ZFYVE16: variants seen among roughly 807,000 people sequenced by gnomAD.
ZFYVE16 encodes the protein zinc finger FYVE domain-containing protein 16.
Under a neutral mutation model 138.1 loss-of-function variants are expected in ZFYVE16, and 89 were observed. The observed-to-expected ratio is 0.64, with a 90% CI of 0.54 to 0.77. The LOEUF is 0.77. Ranked by LOEUF, ZFYVE16 falls within the 30% of genes least tolerant of loss-of-function variation. The pLI is 0.00. For missense variants in ZFYVE16, 1,793 were observed against 1,786.7 expected, an observed-to-expected ratio of 1.00 and a Z score of -0.06; for synonymous variants, 596 against 618.3, an observed-to-expected ratio of 0.96 and a Z score of 0.53.
At chr5:80,445,870 G>A (rs1020323955) in intron 7 of ZFYVE16, among the ~76,000 whole-genome samples, 1 of 146,612 alleles carries the variant, frequency 6.8e-6, no homozygotes, top group Non-Finnish European at 1.5e-5. Flanking sequence ...TGAGATTACT[G>A]GTATAAATCA....
intron 2 of ZFYVE16, among the ~76,000 whole-genome samples, chr5:80,432,353 A>G: frequency 6.6e-6 from 1 of 152,240 alleles, no homozygotes; most frequent in Non-Finnish European, 1.5e-5. Flanking sequence ...CCTATTTAAC[A>G]AATGGTGCTG....
rs1476620624 is a variant in ZFYVE16, at chr5:80,439,820, T to G, written c.2323-116T>G. ...ATGATTATGGTGATTAGGAAATGAT[T>G]TATACAATAAGGAAAAAGAATTTTG... On this transcript the variant is annotated intron_variant, in intron 4 of 18. Coordinates refer to ENST00000505560, the MANE Select transcript of ZFYVE16 (RefSeq NM_001284236.3). 4.9e-6 allele frequency: 3 copies of G among 612,930 alleles called. No homozygotes were observed. The African/African-American group carries it at 5.6e-5, about 12-fold the overall frequency. 38.0% of individuals were successfully genotyped at this position (612,930 alleles called of 1,614,324 possible). A position where few individuals can be genotyped will look rare whatever the true frequency, so the allele number is the denominator to read the frequency against.
Position 80,451,613 on chromosome 5 carries a change from C to G in ZFYVE16, c.3511C>G (p.Pro1171Ala). 5.6e-6 allele frequency: 9 copies of G among 1,613,858 alleles called. No homozygotes were observed. Among genetic ancestry groups the G allele is most frequent in the Non-Finnish European group, 7.6e-6 (9 of 1,179,908 alleles). Residue 1171 changes from proline (P) to alanine (A), a missense_variant, in exon 11 of 19, where the codon CCT becomes GCT. Transcript: ENST00000505560. ...TGATGATCTCTCATTACCAAGTAAT[C>G]CTTTTCTTTGTGGAATTCTTATCCA... is the stretch of plus-strand genomic sequence containing the variant. ...KLDDLSLPSN[P>A]FLCGILIQKL...
rs750109541 is a variant in ZFYVE16 at position 80,437,935 on chromosome 5, T to A, written c.1250T>A (p.Ile417Lys). ...GATGCAGTGACTATACATGAAGAAA[T>A]ACAGAACAGTGTTGTTCTAGGTGGG... ...IQDAVTIHEE[I>K]QNSVVLGGEP... Residue 417 changes from isoleucine to lysine, a missense_variant, in exon 4 of 19, where the codon ATA (isoleucine) becomes AAA (lysine). Ile to Lys is a moderately radical substitution (Grantham distance 102). This residue lies in a region of ZFYVE16 where 1,295 missense variants were observed against 1,204.3 expected (regional missense o/e 1.08). Transcript: ENST00000505560. 28 of 1,613,962 alleles carry A rather than the reference T, an allele frequency of 1.7e-5. No homozygotes were observed. The highest frequency in any genetic ancestry group is 2.2e-5 in the Non-Finnish European group (26 of 1,179,896).
rs1755236892 is a variant in ZFYVE16, at chr5:80,480,756, G to A, written c.*3379G>A. 1.3e-5 allele frequency among the ~76,000 whole-genome samples: 2 copies of A among 151,956 alleles called. No individual in the cohort carries two copies. Among genetic ancestry groups the A allele is most frequent in the African/African-American group, 4.8e-5 (2 of 41,358 alleles). ...AGCAACACAGGGAGACACTGTCTCT[G>A]CAAAATTAAAAAAATTTTGCCAGGT... On this transcript the variant is annotated 3_prime_UTR_variant, in exon 19 of 19. Coordinates refer to ENST00000505560, the MANE Select transcript of ZFYVE16 (RefSeq NM_001284236.3).
At chr5:80,463,766 A>C (rs1753389462) in intron 15 of ZFYVE16, among the ~76,000 whole-genome samples, 2 of 152,288 alleles carry the variant, frequency 1.3e-5, no homozygotes, top group Admixed American at 1.3e-4. Flanking sequence ...TGCTTTTTAG[A>C]GCCCCCAAAT....
At chr5:80,472,179 C>A (rs373514744) in intron 15 of ZFYVE16, among the ~76,000 whole-genome samples, 6 of 152,060 alleles carry the variant, frequency 3.9e-5, no homozygotes, top group African/African-American at 1.4e-4. Flanking sequence ...TAGTGCCCCC[C>A]TCTTAAGTGT....
intron 1 of ZFYVE16, among the ~76,000 whole-genome samples, chr5:80,427,049 T>C (rs1010838020): frequency 6.6e-5 from 10 of 152,016 alleles, no homozygotes; most frequent in African/African-American, 2.4e-4. Context: ...ATGTCTTTTT[T>C]TTTTTTTCCT....
In ZFYVE16 at chr5:80,478,943, A is replaced by G. The variant is rs1755144173; in HGVS notation, c.*1566A>G. On this transcript the variant is annotated 3_prime_UTR_variant, in exon 19 of 19. Transcript: ENST00000505560. ...ATTGAAATGGTGTAAGATGAAAACA[A>G]TTGCATATCAAACCCAATTTATGTT... 3 of 152,150 alleles carry G rather than the reference A, an allele frequency of 2.0e-5. No homozygotes were observed. The highest frequency in any genetic ancestry group is 2.0e-4 in the Admixed American group (3 of 15,276). The allele number at this position is 152,150 out of a possible 1,614,324, so 9.4% of individuals were successfully genotyped here.
chr5:80,442,097 T>C lies in ZFYVE16; in HGVS notation c.2420-1026T>C, dbSNP rs1231782408. 1.1e-5 allele frequency: 3 copies of C among 266,294 alleles called. No homozygotes were observed. The Admixed American group carries it at 1.9e-4, about 17-fold the overall frequency. 16.5% of individuals were successfully genotyped at this position (266,294 alleles called of 1,614,324 possible). A position where few individuals can be genotyped will look rare whatever the true frequency, so the allele number is the denominator to read the frequency against. ...GAGTGATAGATAGTTAACAGATTAG[T>C]GGCAAAAGGAAATTTTTTCTTTTTG... is the stretch of plus-strand genomic sequence containing the variant. On this transcript the variant is annotated intron_variant, in intron 5 of 18. Coordinates refer to ENST00000505560, the MANE Select transcript of ZFYVE16 (RefSeq NM_001284236.3).
At position 80,449,700 on chromosome 5, in the gene ZFYVE16, C is replaced by A; in HGVS notation, c.3213C>A (p.Val1071=). ...TAAATGCTAATCTACTCGTGAATGT[C>A]AAATTCATATTTTGTAAGTAATAAT... is the stretch of plus-strand genomic sequence containing the variant. ...FVLNANLLVN[V]KFIFYSSDKY... Residue 1071 remains valine, a synonymous_variant, in exon 9 of 19, where the codon GTC becomes GTA. Coordinates refer to ENST00000505560, the MANE Select transcript of ZFYVE16 (RefSeq NM_001284236.3). 2 of 1,594,106 alleles carry A rather than the reference C, an allele frequency of 1.3e-6. No individual in the cohort carries two copies. The highest frequency in any genetic ancestry group is 1.2e-5 in the South Asian group (1 of 86,932).
At chr5:80,463,050 T>A (rs1375381434) in intron 15 of ZFYVE16, among the ~76,000 whole-genome samples, 1 of 152,242 alleles carries the variant, frequency 6.6e-6, no homozygotes, top group Non-Finnish European at 1.5e-5. Context: ...TGTCTGGCAC[T>A]TTTCCAAGCA....
chr5:80,431,843 AAG>A (rs1323238498), intron 2 of ZFYVE16, among the ~76,000 whole-genome samples: 1 of 152,204 alleles, frequency 6.6e-6, no homozygotes, highest in Non-Finnish European at 1.5e-5. Context: ...AGTTGCTTCA[AAG>A]AGAATAAAAT....
chr5:80,429,322 A>C (rs1275207596), intron 2 of ZFYVE16, among the ~76,000 whole-genome samples: 1 of 152,242 alleles, frequency 6.6e-6, no homozygotes, highest in Non-Finnish European at 1.5e-5. Context: ...AAGAATTTTC[A>C]ACTCAGAATT....
intron 18 of ZFYVE16, among the ~76,000 whole-genome samples, chr5:80,475,432 A>G (rs1409320059): frequency 1.3e-5 from 2 of 152,250 alleles, no homozygotes; most frequent in East Asian, 1.9e-4. Context: ...GTAGAGTTGT[A>G]TAAGGCAACA....
chr5:80,471,312 C>T (rs1754353120), intron 15 of ZFYVE16, among the ~76,000 whole-genome samples: 1 of 152,216 alleles, frequency 6.6e-6, no homozygotes, highest in South Asian at 2.1e-4. Context: ...GCAACTGTTA[C>T]TGCTGATTAA....
In ZFYVE16 at chr5:80,448,316, C is replaced by G; in HGVS notation, c.3015C>G (p.Asn1005Lys). 6.2e-7 allele frequency: 1 copy of G among 1,611,866 alleles called. No homozygotes were observed. Among genetic ancestry groups the G allele is most frequent in the Non-Finnish European group, 8.5e-7 (1 of 1,179,652 alleles). ...ATTATAGGTTACTGTGTGATATTAA[C>G]AAGTATGTCTGCAATAAGATTAGTC... ...ISDYRLLCDI[N>K]KYVCNKISLL... The change falls in exon 8 of 19, where the codon AAC becomes AAG. Residue 1005 changes from asparagine to lysine, a missense_variant. By Grantham distance (94) the Asn-to-Lys change is moderately conservative (BLOSUM62 0). This residue lies in a region of ZFYVE16 where 1,295 missense variants were observed against 1,204.3 expected (regional missense o/e 1.08). Transcript: ENST00000505560.
In ZFYVE16 at chr5:80,474,020, C is replaced by T. The variant is rs112762370; in HGVS notation, c.4293+161C>T. 4.6e-3 allele frequency among the ~76,000 whole-genome samples: 704 copies of T among 152,218 alleles called. 4 individuals are homozygous for T. The highest frequency in any genetic ancestry group is 0.016 in the African/African-American group (650 of 41,516). On this transcript the variant is annotated intron_variant, in intron 17 of 18. Transcript: ENST00000505560. ...ATTTCCACCCCAGAATTTTATACAC[C>T]AGAATTGGATTTCCATAGGGTTAGT...
intron 1 of ZFYVE16, among the ~76,000 whole-genome samples, chr5:80,421,464 A>T (rs1010991790): frequency 9.2e-5 from 14 of 152,146 alleles, no homozygotes; most frequent in African/African-American, 3.1e-4. Context: ...TCTTAAATTA[A>T]TTTTTTATAA....
Sources: gnomAD v4.1 joint callset for allele counts (sites outside exome capture counted in the v4.1 genomes callset) on GRCh38, gnomAD v4.1.1 for gene constraint, gnomAD v4.1.1 regional missense constraint, MANE v1.5 for transcripts, NCBI Gene and HGNC (gene_info 2026-07-23, HGNC 2026-07-21) for gene names.